OTULINL: variants seen among roughly 807,000 people sequenced by gnomAD.
The protein encoded by OTULINL is inactive ubiquitin thioesterase OTULINL.
OTULINL carries 42 observed loss-of-function variants against 43.9 expected under a neutral mutation model. The observed-to-expected ratio is 0.96, with a 90% CI of 0.75 to 1.24. OTULINL has a LOEUF of 1.24. Ranked by LOEUF, OTULINL falls within the 50% of genes most tolerant of loss-of-function variation. The probability of loss-of-function intolerance (pLI) is 0.00; values close to 1 mark genes in which losing one functional copy is unlikely to be tolerated. For synonymous variants in OTULINL, 172 were observed against 153.6 expected (o/e 1.12, Z -0.88); for missense variants, 411 against 426.4 (o/e 0.96, Z 0.32).
At chr5:14,582,899 C>T (rs1422211000) in intron 1 of OTULINL, among the ~76,000 whole-genome samples, 5 of 151,696 alleles carry the variant, frequency 3.3e-5, no homozygotes, top group Admixed American at 6.6e-5. Flanking sequence ...GTCTCGACGT[C>T]TCCACCCGCT....
Position 14,610,437 on chromosome 5 carries a change from T to C in OTULINL, c.*123T>C. 1 of 985,912 alleles carries C rather than the reference T, an allele frequency of 1.0e-6. No homozygotes were observed. The highest frequency in any genetic ancestry group is 1.5e-6 in the Non-Finnish European group (1 of 673,244). The allele number at this position is 985,912 out of a possible 1,614,324, so 61.1% of individuals were successfully genotyped here. Reference sequence around the variant, plus strand: ...GGAATTAGGACCTTTTCTTCAGGATTACAGGTACACTGGATGCAGCCATGC... The same window carrying C: ...GGAATTAGGACCTTTTCTTCAGGATCACAGGTACACTGGATGCAGCCATGC... On this transcript the variant is annotated 3_prime_UTR_variant, in exon 8 of 8. Transcript: ENST00000274217.
chr5:14,608,638 C>A, intron 6 of OTULINL, 110 bp from the exon 7 acceptor site: 1 of 923,912 alleles, frequency 1.1e-6, no homozygotes, highest in South Asian at 1.9e-5. Flanking sequence ...GTTAAAGTTC[C>A]ACTTTTTTCT....
At chr5:14,582,106 G>C (rs916710570) in intron 1 of OTULINL, 148 bp downstream of exon 1, 2 of 545,506 alleles carry the variant, frequency 3.7e-6, no homozygotes, top group African/African-American at 2.0e-5. Context: ...CCGGGAGCTG[G>C]AGCGCGCCCC....
intron 1 of OTULINL, among the ~76,000 whole-genome samples, chr5:14,598,703 A>G (rs950595899): frequency 6.6e-6 from 1 of 152,210 alleles, no homozygotes; most frequent in African/African-American, 2.4e-5. Flanking sequence ...GGGCAACGGC[A>G]CAAGACCCTG....
intron 1 of OTULINL, among the ~76,000 whole-genome samples, chr5:14,585,036 A>G (rs1759082873): frequency 6.6e-6 from 1 of 152,164 alleles, no homozygotes; most frequent in African/African-American, 2.4e-5. Flanking sequence ...GTGGGCGCAA[A>G]CATTCCCTCC....
At chr5:14,585,756 C>T (rs907237170) in intron 1 of OTULINL, among the ~76,000 whole-genome samples, 3 of 152,216 alleles carry the variant, frequency 2.0e-5, no homozygotes, top group Non-Finnish European at 2.9e-5. Flanking sequence ...TCAAGGCTTC[C>T]GCTAGTAAGT....
chr5:14,604,697 A>AG (rs1379370192), intron 5 of OTULINL, among the ~76,000 whole-genome samples: 16 of 152,328 alleles, frequency 1.1e-4, no homozygotes, highest in African/African-American at 3.6e-4. Flanking sequence ...GCCTAAACAA[A>AG]GGGACTACAG....
chr5:14,604,361 A>G (rs1759437998), intron 5 of OTULINL, among the ~76,000 whole-genome samples: 1 of 152,182 alleles, frequency 6.6e-6, no homozygotes, highest in Non-Finnish European at 1.5e-5. Flanking sequence ...AAGACAATCA[A>G]GATGATATTT....
chr5:14,608,929 T>A lies in OTULINL; in HGVS notation c.809T>A (p.Leu270His), dbSNP rs1197477554. 6.2e-7 allele frequency: 1 copy of A among 1,614,176 alleles called. No individual in the cohort carries two copies. Reference protein sequence around the residue: ...TKKVIPSLFRLLFSRETSSDP... With the variant: ...TKKVIPSLFRHLFSRETSSDP... Reference sequence around the variant, plus strand: ...AAGGTCATTCCCAGTCTTTTTAGACTCCTGTTTTCCAGGGAGACATCCTCT... The same window carrying A: ...AAGGTCATTCCCAGTCTTTTTAGACACCTGTTTTCCAGGGAGACATCCTCT... Residue 270 changes from leucine (L) to histidine (H), a missense_variant, in exon 7 of 8, where the codon CTC becomes CAC. Physicochemically the swap from Leu to His is moderately conservative, Grantham distance 99. Coordinates refer to ENST00000274217, the MANE Select transcript of OTULINL (RefSeq NM_019018.3).
chr5:14,605,423 G>A (rs1362887083), intron 5 of OTULINL, among the ~76,000 whole-genome samples: 1 of 152,084 alleles, frequency 6.6e-6, no homozygotes, highest in Non-Finnish European at 1.5e-5. Context: ...CGTGGTGCGG[G>A]TGCTGCTGTA....
chr5:14,611,188 C>T lies in OTULINL; in HGVS notation c.*874C>T, dbSNP rs1038679918. ...TCTGAATCCTCAGAGCCGTAAAGGGCTAAATGGGTTAAATGGGAAAGGAGA... is the reference window on the plus strand; with the variant it reads ...TCTGAATCCTCAGAGCCGTAAAGGGTTAAATGGGTTAAATGGGAAAGGAGA... On this transcript the variant is annotated 3_prime_UTR_variant, in exon 8 of 8. Transcript: ENST00000274217. The T allele has an allele frequency of 2.0e-5, 3 of 152,106 alleles. No individual in the cohort carries two copies. The highest frequency in any genetic ancestry group is 1.3e-4 in the Admixed American group (2 of 15,256). The allele number at this position is 152,106 out of a possible 1,614,324, so 9.4% of individuals were successfully genotyped here.
chr5:14,606,839 T>C (rs1402592815), intron 5 of OTULINL, among the ~76,000 whole-genome samples: 2 of 152,220 alleles, frequency 1.3e-5, no homozygotes, highest in African/African-American at 4.8e-5. Context: ...TGTGAAATTG[T>C]AAGAATATGA....
intron 5 of OTULINL, among the ~76,000 whole-genome samples, chr5:14,605,431 G>C (rs1042007195): frequency 6.6e-6 from 1 of 152,100 alleles, no homozygotes; most frequent in African/African-American, 2.4e-5. Context: ...GGGTGCTGCT[G>C]TAAAGGTTTC....
chr5:14,587,964 T>G (rs188643197), intron 1 of OTULINL, among the ~76,000 whole-genome samples: 34 of 152,310 alleles, frequency 2.2e-4, no homozygotes, highest in Non-Finnish European at 4.0e-4. Context: ...TTGAAGCTGA[T>G]TACCACCATG....
chr5:14,611,139 C>T lies in OTULINL; in HGVS notation c.*825C>T, dbSNP rs936151607. Reference sequence around the variant, plus strand: ...TCATTATGGTAGGCAGAATAATGCCCTATGCTCCCCAAAGATGTCTGTGTC... The same window carrying T: ...TCATTATGGTAGGCAGAATAATGCCTTATGCTCCCCAAAGATGTCTGTGTC... On this transcript the variant is annotated 3_prime_UTR_variant, in exon 8 of 8. Coordinates refer to ENST00000274217, the MANE Select transcript of OTULINL (RefSeq NM_019018.3). 2.0e-5 allele frequency: 3 copies of T among 152,094 alleles called. No homozygotes were observed. The highest frequency in any genetic ancestry group is 7.2e-5 in the African/African-American group (3 of 41,414). 9.4% of individuals were successfully genotyped at this position (152,094 alleles called of 1,614,324 possible). A position where few individuals can be genotyped will look rare whatever the true frequency, so the allele number is the denominator to read the frequency against.
intron 5 of OTULINL, among the ~76,000 whole-genome samples, chr5:14,606,673 T>TGTGA (rs1759483581): frequency 2.0e-5 from 3 of 152,070 alleles, no homozygotes; most frequent in African/African-American, 7.2e-5. Context: ...AGCCACAGAG[T>TGTGA]GCATCATTCT....
chr5:14,596,176 C>T (rs1236522752), intron 1 of OTULINL, among the ~76,000 whole-genome samples: 3 of 152,104 alleles, frequency 2.0e-5, no homozygotes, highest in Non-Finnish European at 4.4e-5. Flanking sequence ...TGTCCCCTCC[C>T]AACACACTCC....
chr5:14,607,706 A>G (rs1401187988), intron 6 of OTULINL, among the ~76,000 whole-genome samples: 1 of 152,186 alleles, frequency 6.6e-6, no homozygotes, highest in Non-Finnish European at 1.5e-5. Flanking sequence ...GCCGGCCTTT[A>G]AACCTTACCA....
chr5:14,586,988 G>A (rs1456334628), intron 1 of OTULINL, among the ~76,000 whole-genome samples: 1 of 152,126 alleles, frequency 6.6e-6, no homozygotes, highest in East Asian at 1.9e-4. Context: ...AGTTCCAAAT[G>A]GCTCAGGAAT....
Sources: gnomAD v4.1 joint callset for allele counts (sites outside exome capture counted in the v4.1 genomes callset) on GRCh38, gnomAD v4.1.1 for gene constraint, MANE v1.5 for transcripts, NCBI Gene and HGNC (gene_info 2026-07-23, HGNC 2026-07-21) for gene names.